NCAPG2: variants seen among roughly 807,000 people sequenced by gnomAD.
The protein encoded by NCAPG2 is condensin-2 complex subunit G2.
NCAPG2 carries 53 observed loss-of-function variants against 141.1 expected under a neutral mutation model. That is an observed-to-expected ratio of 0.38 (90% CI 0.30 to 0.47). The LOEUF (loss-of-function observed/expected upper bound fraction) is 0.47, where lower values mean the gene tolerates loss of function less well. Ranked by LOEUF, NCAPG2 falls within the 20% of genes least tolerant of loss-of-function variation. NCAPG2 has a pLI of 0.99. For missense variants in NCAPG2, 1,087 were observed against 1,389.0 expected, an observed-to-expected ratio of 0.78 and a Z score of 3.46; for synonymous variants, 499 against 490.7, an observed-to-expected ratio of 1.02 and a Z score of -0.22.
At chr7:158,645,972 G>A (rs1034117763) in intron 25 of NCAPG2, among the ~76,000 whole-genome samples, 2 of 152,116 alleles carry the variant, frequency 1.3e-5, no homozygotes, top group South Asian at 4.1e-4. Context: ...ATTAAAATTC[G>A]ACAGGTACCA....
At chr7:158,667,534 CTGTGGCCCTCCACCCG>C (rs1833178281) in intron 13 of NCAPG2, among the ~76,000 whole-genome samples, 4 of 17,918 alleles carry the variant, frequency 2.2e-4, no homozygotes, top group South Asian at 4.1e-3. Context: ...CTTACCTACC[CTGTGGCCCTCCACCCG>C]CTTACCCACT....
intron 6 of NCAPG2, among the ~76,000 whole-genome samples, chr7:158,687,975 A>C (rs1834878090): frequency 6.6e-6 from 1 of 152,206 alleles, no homozygotes; most frequent in African/African-American, 2.4e-5. Context: ...TATGCATGCT[A>C]CTAGATTATG....
Position 158,693,468 on chromosome 7 carries a change from A to G in NCAPG2, c.108T>C (p.Asn36=). Residue 36 remains asparagine (N), a synonymous_variant, in exon 3 of 28, where the codon AAT becomes AAC. Transcript: ENST00000356309. ...TCCTTGATAATTCATCTAGTAATTC[A>G]TTTAGGCTGAAAGGATCAGAGGCCT... ...DKEASDPFSL[N]ELLDELSRKQ... 6.2e-7 allele frequency: 1 copy of G among 1,613,850 alleles called. No individual in the cohort carries two copies. The highest frequency in any genetic ancestry group is 8.5e-7 in the Non-Finnish European group (1 of 1,179,826).
rs191331780 is a variant in NCAPG2, at chr7:158,655,120, G to C, written c.2644C>G (p.Gln882Glu). 32 of 1,608,218 alleles carry C rather than the reference G, an allele frequency of 2.0e-5. No individual in the cohort carries two copies. Among genetic ancestry groups the C allele is most frequent in the Non-Finnish European group, 8.5e-7 (1 of 1,178,542 alleles). ...LHRVIYQQIIQTYLTVCKDVV... is the reference protein window; with the variant it reads ...LHRVIYQQIIETYLTVCKDVV... ...TTCTGTGTCTTAAGACTTCTAACCT[G>C]GATAATTTGCTGATAAATGACCCTA... The change falls in exon 21 of 28, where the codon CAG becomes GAG. Residue 882 changes from glutamine to glutamate, a missense_variant and splice_region_variant. Transcript: ENST00000356309.
At chr7:158,638,215 C>T (rs877279) in intron 27 of NCAPG2, among the ~76,000 whole-genome samples, 82,266 of 152,014 alleles carry the variant, frequency 0.54, 23,021 homozygotes, top group Non-Finnish European at 0.61. Context: ...TGGTCTTCTC[C>T]TGGAACCTGA....
At chr7:158,676,115 C>G (rs562267106) in intron 11 of NCAPG2, among the ~76,000 whole-genome samples, 4 of 152,144 alleles carry the variant, frequency 2.6e-5, no homozygotes, top group Non-Finnish European at 5.9e-5. Context: ...CAATAAGTAC[C>G]CCGATGGGAG....
chr7:158,651,701 T>C (rs926865663), intron 23 of NCAPG2, among the ~76,000 whole-genome samples: 1 of 152,160 alleles, frequency 6.6e-6, no homozygotes, highest in Admixed American at 6.5e-5. Context: ...ATGAAGTGCT[T>C]ATACAACAAT....
At position 158,692,828 on chromosome 7, in the gene NCAPG2, C is replaced by A. The variant is rs1257844178; in HGVS notation, c.382+14G>T. On this transcript the variant is annotated intron_variant, in intron 4 of 27. Transcript: ENST00000356309. ...CCACTTCTAAATATGCCATTTATAA[C>A]AAAATCAACTCACCATTTAATATAA... 3 of 1,423,862 alleles carry A rather than the reference C, an allele frequency of 2.1e-6. No homozygotes were observed. The highest frequency in any genetic ancestry group is 2.9e-6 in the Non-Finnish European group (3 of 1,019,892). 88.2% of individuals were successfully genotyped at this position (1,423,862 alleles called of 1,614,324 possible).
At chr7:158,649,660 T>C (rs1434684695) in intron 24 of NCAPG2, among the ~76,000 whole-genome samples, 3 of 152,240 alleles carry the variant, frequency 2.0e-5, no homozygotes. Flanking sequence ...AAATTCTATT[T>C]GATGTTTTAG....
chr7:158,636,152 GAAACA>G (rs1202383052), intron 27 of NCAPG2, among the ~76,000 whole-genome samples: 1 of 152,152 alleles, frequency 6.6e-6, no homozygotes, highest in Non-Finnish European at 1.5e-5. Flanking sequence ...GAATAATGGA[GAAACA>G]AAACGCTCCA....
chr7:158,687,305 C>G, intron 7 of NCAPG2, 43 bp downstream of exon 7: 2 of 1,379,920 alleles, frequency 1.4e-6, no homozygotes, highest in Non-Finnish European at 2.0e-6. Context: ...CTTTCAAAAC[C>G]AGATTAAGAC....
rs1317326522 is a variant in NCAPG2 at position 158,656,537 on chromosome 7, A to G, written c.2214+15T>C. On this transcript the variant is annotated intron_variant, in intron 18 of 27. Coordinates refer to ENST00000356309, the MANE Select transcript of NCAPG2 (RefSeq NM_017760.7). ...CTCACTCACCTAATTTTAAGGAAAC[A>G]TGATGTCAACCTACCTTGGCCTGGG... 1 of 1,613,460 alleles carries G rather than the reference A, an allele frequency of 6.2e-7. No individual in the cohort carries two copies. Among genetic ancestry groups the G allele is most frequent in the South Asian group, 1.1e-5 (1 of 90,984 alleles).
At chr7:158,676,785 T>G (rs1019472833) in intron 11 of NCAPG2, among the ~76,000 whole-genome samples, 2 of 152,098 alleles carry the variant, frequency 1.3e-5, no homozygotes, top group Non-Finnish European at 2.9e-5. Flanking sequence ...AAAAAAAGAT[T>G]TCAAGTTAAA....
At chr7:158,657,731 G>T (rs1489230409) in intron 17 of NCAPG2, among the ~76,000 whole-genome samples, 1 of 152,326 alleles carries the variant, frequency 6.6e-6, no homozygotes, top group Non-Finnish European at 1.5e-5. Context: ...GTGGGGAAAA[G>T]ATTGAGAAAT....
At chr7:158,680,180 G>C (rs1305888234) in intron 10 of NCAPG2, 95 bp from the exon 11 acceptor site, 26 of 1,319,336 alleles carry the variant, frequency 2.0e-5, no homozygotes, top group Non-Finnish European at 2.5e-5. Flanking sequence ...TAATTATCTT[G>C]ATACAGATTT....
chr7:158,671,701 A>G (rs185064461), intron 12 of NCAPG2, 35 bp from the exon 13 acceptor site: 72 of 1,605,192 alleles, frequency 4.5e-5, no homozygotes, highest in Non-Finnish European at 5.1e-5. Flanking sequence ...ATTCAAAATC[A>G]GAACATGCCA....
rs1433360628 is a variant in NCAPG2 at position 158,662,350 on chromosome 7, C to A, written c.1833G>T (p.Leu611=). ...KENVTVLDKT[L]SVNDVACMAG... is the part of the protein sequence containing the mutation. ...CCATGCATGCAACATCGTTTACTGA[C>A]AGTGTTTTGTCCAGAACCTAAGATA... The change falls in exon 16 of 28, where the codon CTG becomes CTT. Residue 611 remains leucine (L), a synonymous_variant. Transcript: ENST00000356309. The A allele has an allele frequency of 6.3e-7, 1 of 1,585,410 alleles. No homozygotes were observed. The highest frequency in any genetic ancestry group is 2.3e-5 in the East Asian group (1 of 43,874).
At chr7:158,653,123 C>T (rs2129458666) in intron 22 of NCAPG2, among the ~76,000 whole-genome samples, 1 of 152,130 alleles carries the variant, frequency 6.6e-6, no homozygotes, top group Non-Finnish European at 1.5e-5. Flanking sequence ...AATCCCAGCA[C>T]CTTGAAAGGC....
At chr7:158,652,250 A>G in intron 23 of NCAPG2, 43 bp downstream of exon 23, 1 of 1,573,410 alleles carries the variant, frequency 6.4e-7, no homozygotes, top group Non-Finnish European at 8.7e-7. Flanking sequence ...GCCAGCCCTG[A>G]AAAGCCCATC....
Sources: gnomAD v4.1 joint callset for allele counts (sites outside exome capture counted in the v4.1 genomes callset) on GRCh38, gnomAD v4.1.1 for gene constraint, MANE v1.5 for transcripts, NCBI Gene and HGNC (gene_info 2026-07-23, HGNC 2026-07-21) for gene names.